Variants in RHOBTB1 observed in about 807,000 individuals in gnomAD.
The protein encoded by RHOBTB1 is Rho related BTB domain containing 1, also known as rho-related BTB domain-containing protein 1.
RHOBTB1 carries 40 observed loss-of-function variants against 71.6 expected under a neutral mutation model. That is an observed-to-expected ratio of 0.56 (90% confidence interval 0.43 to 0.73). The LOEUF (loss-of-function observed/expected upper bound fraction) is 0.73. RHOBTB1 is among the 30% of genes least tolerant of loss of function. RHOBTB1 has a pLI of 0.00. For synonymous variants in RHOBTB1, 319 were observed against 334.9 expected (o/e 0.95, Z 0.52); for missense variants, 797 against 894.0 (o/e 0.89, Z 1.38).
chr10:60,968,283 C>A (rs1033023316), intron 2 of RHOBTB1, among the ~76,000 whole-genome samples: 1 of 152,044 alleles, frequency 6.6e-6, no homozygotes, highest in Non-Finnish European at 1.5e-5. Flanking sequence ...GGTAAGTGGG[C>A]GTGGCATGTG....
chr10:60,966,391 CA>C, intron 2 of RHOBTB1, among the ~76,000 whole-genome samples: 1 of 151,712 alleles, frequency 6.6e-6, no homozygotes, highest in East Asian at 2.0e-4. Context: ...AGTTGGAGGC[CA>C]GGGGTGGTAG....
At chr10:60,887,870 G>T (rs939046625) in intron 6 of RHOBTB1, among the ~76,000 whole-genome samples, 1 of 152,156 alleles carries the variant, frequency 6.6e-6, no homozygotes, top group East Asian at 1.9e-4. Flanking sequence ...CACTCTTGAG[G>T]AGCAGTGTGG....
intron 1 of RHOBTB1, among the ~76,000 whole-genome samples, chr10:60,998,982 A>G (rs1166824481): frequency 1.3e-5 from 2 of 152,216 alleles, no homozygotes; most frequent in Non-Finnish European, 2.9e-5. Context: ...TCTGTGAAAC[A>G]CAGACAACGC....
intron 2 of RHOBTB1, among the ~76,000 whole-genome samples, chr10:60,914,957 G>A (rs2083191280): frequency 6.6e-6 from 1 of 152,098 alleles, no homozygotes; most frequent in Non-Finnish European, 1.5e-5. Flanking sequence ...AAATATTCAG[G>A]GCCCAGATCA....
At chr10:60,871,699 CTTTT>C (rs764074933) in intron 10 of RHOBTB1, 48 bp from the exon 11 acceptor site, 57 of 1,551,068 alleles carry the variant, frequency 3.7e-5, no homozygotes, top group Non-Finnish European at 5.3e-6. Flanking sequence ...TCATTGATGC[CTTTT>C]ATGTGCTAGG....
intron 4 of RHOBTB1, among the ~76,000 whole-genome samples, chr10:60,909,241 C>T (rs1381507608): frequency 6.6e-6 from 1 of 152,186 alleles, no homozygotes; most frequent in Non-Finnish European, 1.5e-5. Context: ...TTTATTACCA[C>T]CACACCAGCT....
chr10:60,888,217 A>G lies in RHOBTB1; in HGVS notation c.1451T>C (p.Phe484Ser), dbSNP rs777065584. The G allele has an allele frequency of 6.2e-6, 10 of 1,612,872 alleles. No homozygotes were observed. The highest frequency in any genetic ancestry group is 8.5e-6 in the Non-Finnish European group (10 of 1,179,320). Residue 484 changes from phenylalanine (F) to serine (S), a missense_variant, in exon 6 of 11, where the codon TTC becomes TCC. By Grantham distance (155) the Phe-to-Ser change is radical. This residue lies in a region of RHOBTB1 where 658 missense variants were observed against 681.5 expected (regional missense o/e 0.97). Transcript: ENST00000337910. ...CTGCCCCGCGGCCCACTCACCCGAG[A>G]ACGTTCCCTTGCTGAGACACTCTTT... ...RIKECLSKGT[F>S]SDVTFKLDDG... is the part of the protein sequence containing the mutation.
chr10:60,890,595 C>A (rs2081869369), intron 5 of RHOBTB1, among the ~76,000 whole-genome samples: 1 of 152,134 alleles, frequency 6.6e-6, no homozygotes, highest in African/African-American at 2.4e-5. Context: ...TGACACACAT[C>A]ACAAAGTATT....
intron 4 of RHOBTB1, among the ~76,000 whole-genome samples, chr10:60,908,269 A>C (rs1025158912): frequency 6.6e-6 from 1 of 152,254 alleles, no homozygotes; most frequent in Admixed American, 6.5e-5. Flanking sequence ...AGGAAACCGA[A>C]GGCAAGGTCT....
At chr10:60,931,147 A>G (rs1249829249) in intron 2 of RHOBTB1, among the ~76,000 whole-genome samples, 1 of 152,200 alleles carries the variant, frequency 6.6e-6, no homozygotes, top group Admixed American at 6.5e-5. Flanking sequence ...CAAATTTTCT[A>G]CAATGCACGT....
the RHOBTB1 span, among the ~76,000 whole-genome samples, chr10:60,863,160 G>A: frequency 2.6e-5 from 4 of 152,162 alleles, no homozygotes; most frequent in Admixed American, 6.5e-5. Context: ...GTAAAATGCT[G>A]TGTGGCAGAA....
chr10:60,971,092 T>C (rs2086139264), intron 2 of RHOBTB1, among the ~76,000 whole-genome samples: 3 of 152,022 alleles, frequency 2.0e-5, no homozygotes, highest in Admixed American at 1.3e-4. Context: ...ATTGATGTAA[T>C]TAATAATAAT....
At chr10:60,912,205 A>G (rs1459267646) in intron 2 of RHOBTB1, among the ~76,000 whole-genome samples, 1 of 151,522 alleles carries the variant, frequency 6.6e-6, no homozygotes, top group African/African-American at 2.4e-5. Context: ...GTGTGTGTGT[A>G]TATATATGTG....
chr10:60,963,106 C>T (rs1414030789), intron 2 of RHOBTB1, among the ~76,000 whole-genome samples: 1 of 152,102 alleles, frequency 6.6e-6, no homozygotes, highest in Non-Finnish European at 1.5e-5. Context: ...TCTTCATAAA[C>T]AAGTGATCAC....
intron 6 of RHOBTB1, among the ~76,000 whole-genome samples, chr10:60,887,218 T>C (rs1204726422): frequency 1.3e-5 from 2 of 152,222 alleles, no homozygotes; most frequent in Non-Finnish European, 2.9e-5. Flanking sequence ...ATTCTTTTCA[T>C]TAATTTTCAA....
intron 1 of RHOBTB1, among the ~76,000 whole-genome samples, chr10:60,942,711 T>G (rs973927311): frequency 6.6e-6 from 1 of 152,220 alleles, no homozygotes; most frequent in Admixed American, 6.5e-5. Context: ...TAGTTCCAAA[T>G]TTCTAAACAG....
chr10:60,894,047 G>A (rs1156899174), intron 4 of RHOBTB1, among the ~76,000 whole-genome samples: 1 of 152,136 alleles, frequency 6.6e-6, no homozygotes, highest in African/African-American at 2.4e-5. Context: ...TATTGCCATT[G>A]CCTTTACTGT....
At chr10:60,947,745 T>C (rs1332416792), upstream of RHOBTB1, among the ~76,000 whole-genome samples, 1 of 152,180 alleles carries the variant, frequency 6.6e-6, no homozygotes, top group Non-Finnish European at 1.5e-5. Context: ...GATATTTGAG[T>C]AGTTTCCAGT....
upstream of RHOBTB1, among the ~76,000 whole-genome samples, chr10:60,946,034 T>G (rs986289837): frequency 1.3e-5 from 2 of 152,114 alleles, no homozygotes; most frequent in Admixed American, 6.5e-5. Context: ...AAAAATTGGC[T>G]GGGCGCGGTG....
Sources: allele counts gnomAD v4.1 joint callset (sites outside exome capture counted in the v4.1 genomes callset), GRCh38; gene constraint gnomAD v4.1.1; regional missense constraint gnomAD v4.1.1; transcripts MANE v1.5; gene names NCBI Gene and HGNC (gene_info 2026-07-23, HGNC 2026-07-21).